C1QA: variants seen among roughly 807,000 people sequenced by gnomAD.
C1QA encodes complement C1q A chain.
A neutral mutation model predicts 6.9 loss-of-function variants in C1QA; 3 were observed. The observed-to-expected ratio is 0.44, with a 90% CI of 0.20 to 1.12. The LOEUF (loss-of-function observed/expected upper bound fraction) is 1.12. C1QA is among the 50% of genes most tolerant of loss of function. The pLI is 0.27. For synonymous variants in C1QA, 128 were observed against 134.1 expected, an observed-to-expected ratio of 0.95 and a Z score of 0.31; for missense variants, 273 against 326.6, an observed-to-expected ratio of 0.84 and a Z score of 1.26.
chr1:22,637,739 A>C lies in C1QA; in HGVS notation c.123A>C (p.Arg41Ser). ...AAGGGGAGGCAGGAAGACCTGGCAG[A>C]CGGGGGCGGCCAGGCCTCAAGGGGG... Reference protein sequence around the residue: ...GKKGEAGRPGRRGRPGLKGEQ... With the variant: ...GKKGEAGRPGSRGRPGLKGEQ... Residue 41 changes from arginine (R) to serine (S), a missense_variant, in exon 2 of 3, where the codon AGA (arginine) becomes AGC (serine). Coordinates refer to ENST00000374642, the MANE Select transcript of C1QA (RefSeq NM_015991.4). The surrounding 1 kb of genome is among the most constrained non-coding windows in gnomAD (Gnocchi z 4.4). 6.2e-7 allele frequency: 1 copy of C among 1,607,816 alleles called. No individual in the cohort carries two copies. Among genetic ancestry groups the C allele is most frequent in the Non-Finnish European group, 8.5e-7 (1 of 1,177,664 alleles).
At position 22,639,016 on chromosome 1, in the gene C1QA, C is replaced by A. The variant is rs770590046; in HGVS notation, c.347C>A (p.Ala116Asp). ...PGNIKDQPRP[A>D]FSAIRRNPPM... ...AACATCAAGGACCAGCCGAGGCCAG[C>A]CTTCTCCGCCATTCGGCGGAACCCC... Residue 116 changes from alanine (A) to aspartate (D), a missense_variant, in exon 3 of 3, where the codon GCC (alanine) becomes GAC (aspartate). By Grantham distance (126) the Ala-to-Asp change is moderately radical. Transcript: ENST00000374642. The surrounding 1 kb of genome is among the most constrained non-coding windows in gnomAD (Gnocchi z 4.6). 6.2e-6 allele frequency: 10 copies of A among 1,613,926 alleles called. No homozygotes were observed. Among genetic ancestry groups the A allele is most frequent in the East Asian group, 2.2e-5 (1 of 44,870 alleles).
At position 22,639,074 on chromosome 1, in the gene C1QA, G is replaced by C. The variant is rs569999510; in HGVS notation, c.405G>C (p.Thr135=). Residue 135 remains threonine (T), a synonymous_variant, in exon 3 of 3, where the codon ACG becomes ACC. Coordinates refer to ENST00000374642, the MANE Select transcript of C1QA (RefSeq NM_015991.4). This position sits in a 1 kb window ranked among gnomAD's most constrained non-coding sequence, Gnocchi z 4.6. ...GGGGCAACGTGGTCATCTTCGACACGGTCATCACCAACCAGGAAGAACCGT... is the reference window on the plus strand; with the variant it reads ...GGGGCAACGTGGTCATCTTCGACACCGTCATCACCAACCAGGAAGAACCGT... The part of the protein sequence containing the change: ...PMGGNVVIFD[T]VITNQEEPYQ... The C allele has an allele frequency of 6.2e-7, 1 of 1,614,138 alleles. No homozygotes were observed.
In C1QA at chr1:22,637,692, T is replaced by A; in HGVS notation, c.76T>A (p.Cys26Ser). 1 of 1,613,866 alleles carries A rather than the reference T, an allele frequency of 6.2e-7. No individual in the cohort carries two copies. Among genetic ancestry groups the A allele is most frequent in the East Asian group, 2.2e-5 (1 of 44,878 alleles). The change falls in exon 2 of 3, where the codon TGC (cysteine) becomes AGC (serine). Residue 26 changes from cysteine to serine, a missense_variant. Cys to Ser is a moderately radical substitution (Grantham distance 112). Transcript: ENST00000374642. The surrounding 1 kb of genome is among the most constrained non-coding windows in gnomAD (Gnocchi z 4.4). ...GGCCTCTATGGTGACCGAGGACTTGTGCCGAGCACCAGACGGGAAGAAAGG... is the reference window on the plus strand; with the variant it reads ...GGCCTCTATGGTGACCGAGGACTTGAGCCGAGCACCAGACGGGAAGAAAGG... ...SLASMVTEDL[C>S]RAPDGKKGEA...
rs375992274 is a variant in C1QA at position 22,637,600 on chromosome 1, G to T, written c.-7-10G>T. On this transcript the variant is annotated splice_polypyrimidine_tract_variant and intron_variant, in intron 1 of 2. Coordinates refer to ENST00000374642, the MANE Select transcript of C1QA (RefSeq NM_015991.4). This position sits in a 1 kb window ranked among gnomAD's most constrained non-coding sequence, Gnocchi z 4.4. ...GTCCAACCTGCCCAGGCCCTCCCGT[G>T]TCTCCACAGAGGCATCATGGAGGGT... The T allele has an allele frequency of 6.2e-7, 1 of 1,613,774 alleles. No homozygotes were observed. The highest frequency in any genetic ancestry group is 8.5e-7 in the Non-Finnish European group (1 of 1,179,894).
In C1QA at chr1:22,639,023, C is replaced by T. The variant is rs377376778; in HGVS notation, c.354C>T (p.Ser118=). Residue 118 remains serine (S), a synonymous_variant, in exon 3 of 3, where the codon TCC becomes TCT. Transcript: ENST00000374642. This position sits in a 1 kb window ranked among gnomAD's most constrained non-coding sequence, Gnocchi z 4.6. ...AGGACCAGCCGAGGCCAGCCTTCTC[C>T]GCCATTCGGCGGAACCCCCCAATGG... ...NIKDQPRPAF[S]AIRRNPPMGG... The T allele has an allele frequency of 5.5e-5, 88 of 1,613,960 alleles. 1 individual carries two copies. The South Asian group carries it at 6.0e-4, about 11-fold the overall frequency.
At position 22,638,743 on chromosome 1, in the gene C1QA, T is replaced by C. The variant is rs1052340089; in HGVS notation, c.164-90T>C. The C allele has an allele frequency of 7.6e-6, 11 of 1,446,062 alleles. No individual in the cohort carries two copies. In the Admixed American group the frequency reaches 1.8e-4, roughly 23 times the overall value. 89.6% of individuals were successfully genotyped at this position (1,446,062 alleles called of 1,614,324 possible). On this transcript the variant is annotated intron_variant, in intron 2 of 2. Coordinates refer to ENST00000374642, the MANE Select transcript of C1QA (RefSeq NM_015991.4). Reference sequence around the variant, plus strand: ...TGAAGGCCCAGGTGCTTCATTGCCCTTTATCCCATAGACTCAGGGGGTCCA... The same window carrying C: ...TGAAGGCCCAGGTGCTTCATTGCCCCTTATCCCATAGACTCAGGGGGTCCA...
chr1:22,637,313 G>T lies in C1QA; in HGVS notation c.-7-297G>T, dbSNP rs533261717. On this transcript the variant is annotated intron_variant, in intron 1 of 2. Coordinates refer to ENST00000374642, the MANE Select transcript of C1QA (RefSeq NM_015991.4). The surrounding 1 kb of genome is among the most constrained non-coding windows in gnomAD (Gnocchi z 4.4). ...TCAGTTGTGTGTCTAGGGGGGTATA[G>T]TGGATTTCTGAGTTTGCCTACTGTG... 6.6e-6 allele frequency among the ~76,000 whole-genome samples: 1 copy of T among 152,310 alleles called. No homozygotes were observed. The highest frequency in any genetic ancestry group is 2.1e-4 in the South Asian group (1 of 4,822).
Position 22,638,894 on chromosome 1 carries a change from C to A in C1QA, c.225C>A (p.Pro75=), listed in dbSNP as rs751668628. 1.6e-5 allele frequency: 25 copies of A among 1,596,924 alleles called. No individual in the cohort carries two copies. The Admixed American group carries it at 4.4e-4, about 28-fold the overall frequency. ...GLKGDQGEPG[P]SGNPGKVGYP... ...AAGGAGACCAGGGGGAACCTGGGCC[C>A]TCTGGAAACCCCGGCAAGGTGGGCT... is the stretch of plus-strand genomic sequence containing the variant. Residue 75 remains proline, a synonymous_variant, in exon 3 of 3, where the codon CCC becomes CCA. Transcript: ENST00000374642.
intron 2 of C1QA, 123 bp from the exon 3 acceptor site, chr1:22,638,710 C>G (rs1431981711): frequency 1.9e-6 from 2 of 1,072,880 alleles, no homozygotes; most frequent in Admixed American, 2.0e-5. Context: ...CAATCAGAAT[C>G]GATGTCCTGA....
At chr1:22,638,759 A>T in intron 2 of C1QA, 74 bp from the exon 3 acceptor site, 1 of 1,497,054 alleles carries the variant, frequency 6.7e-7, no homozygotes, top group South Asian at 1.2e-5. Flanking sequence ...CCATAGACTC[A>T]GGGGGTCCAG....
chr1:22,637,767 C>A lies in C1QA; in HGVS notation c.151C>A (p.Gln51Lys). Residue 51 changes from glutamine to lysine, a missense_variant, in exon 2 of 3, where the codon CAA (glutamine) becomes AAA (lysine). Physicochemically the swap from Gln to Lys is moderately conservative, Grantham distance 53. Transcript: ENST00000374642. The surrounding 1 kb of genome is among the most constrained non-coding windows in gnomAD (Gnocchi z 4.4). Reference sequence around the variant, plus strand: ...GGGGCGGCCAGGCCTCAAGGGGGAGCAAGGGGAGCCGGGTAAGCACCCTTC... The same window carrying A: ...GGGGCGGCCAGGCCTCAAGGGGGAGAAAGGGGAGCCGGGTAAGCACCCTTC... ...RRGRPGLKGE[Q>K]GEPGAPGIRT... 1 of 1,586,268 alleles carries A rather than the reference C, an allele frequency of 6.3e-7. No individual in the cohort carries two copies. The highest frequency in any genetic ancestry group is 8.6e-7 in the Non-Finnish European group (1 of 1,166,982).
rs1418995209 is a variant in C1QA at position 22,637,522 on chromosome 1, A to C, written c.-7-88A>C. On this transcript the variant is annotated intron_variant, in intron 1 of 2. Transcript: ENST00000374642. This position sits in a 1 kb window ranked among gnomAD's most constrained non-coding sequence, Gnocchi z 4.4. ...CATGTGCACTTGGGGAGGACTGTGC[A>C]TATATCATTGTGTGCATGGGACTCA... The C allele has an allele frequency of 5.4e-6, 8 of 1,495,256 alleles. No individual in the cohort carries two copies. The highest frequency in any genetic ancestry group is 2.7e-5 in the African/African-American group (2 of 72,750). The allele number at this position is 1,495,256 out of a possible 1,614,324, so 92.6% of individuals were successfully genotyped here. A position where few individuals can be genotyped will look rare whatever the true frequency, so the allele number is the denominator to read the frequency against.
chr1:22,639,132 G>A lies in C1QA; in HGVS notation c.463G>A (p.Val155Ile), dbSNP rs1371387137. 1 of 1,614,268 alleles carries A rather than the reference G, an allele frequency of 6.2e-7. No homozygotes were observed. Among genetic ancestry groups the A allele is most frequent in the Non-Finnish European group, 8.5e-7 (1 of 1,180,048 alleles). Residue 155 changes from valine to isoleucine, a missense_variant, in exon 3 of 3, where the codon GTA (valine) becomes ATA (isoleucine). Val to Ile is a conservative substitution (Grantham distance 29). Transcript: ENST00000374642. This position sits in a 1 kb window ranked among gnomAD's most constrained non-coding sequence, Gnocchi z 4.6. ...QNHSGRFVCT[V>I]PGYYYFTFQV... ...CCACTCCGGCCGATTCGTCTGCACTGTACCCGGCTACTACTACTTCACCTT... is the reference window on the plus strand; with the variant it reads ...CCACTCCGGCCGATTCGTCTGCACTATACCCGGCTACTACTACTTCACCTT...
Position 22,636,678 on chromosome 1 carries a change from A to G in C1QA, c.-32A>G, listed in dbSNP as rs1642186440. On this transcript the variant is annotated 5_prime_UTR_variant, in exon 1 of 3. Coordinates refer to ENST00000374642, the MANE Select transcript of C1QA (RefSeq NM_015991.4). Reference sequence around the variant, plus strand: ...CCCTGGGCGGAGGGCAGGAGCATCCAGTTGGAGTTGACAACAGGAGGCAGG... The same window carrying G: ...CCCTGGGCGGAGGGCAGGAGCATCCGGTTGGAGTTGACAACAGGAGGCAGG... The G allele has an allele frequency of 6.6e-6, 1 of 152,474 alleles. No individual in the cohort carries two copies. The highest frequency in any genetic ancestry group is 1.5e-5 in the Non-Finnish European group (1 of 68,246). The allele number at this position is 152,474 out of a possible 1,614,324, so 9.4% of individuals were successfully genotyped here.
rs1253894814 is a variant in C1QA at position 22,639,457 on chromosome 1, G to A, written c.*50G>A. 6.3e-7 allele frequency: 1 copy of A among 1,595,930 alleles called. No homozygotes were observed. The highest frequency in any genetic ancestry group is 2.2e-5 in the East Asian group (1 of 44,776). ...CCCACCTCTCTGGCTTCCATGCTCCGCCTGTAAAATGGGGGCGCTATTGCT... is the reference window on the plus strand; with the variant it reads ...CCCACCTCTCTGGCTTCCATGCTCCACCTGTAAAATGGGGGCGCTATTGCT... On this transcript the variant is annotated 3_prime_UTR_variant, in exon 3 of 3. Coordinates refer to ENST00000374642, the MANE Select transcript of C1QA (RefSeq NM_015991.4). This position sits in a 1 kb window ranked among gnomAD's most constrained non-coding sequence, Gnocchi z 4.6.
Position 22,637,552 on chromosome 1 carries a change from T to C in C1QA, c.-7-58T>C. Reference sequence around the variant, plus strand: ...TCATTGTGTGCATGGGACTCAAGGGTGGGAGCTGGGTGTGAGTGTGATGTC... The same window carrying C: ...TCATTGTGTGCATGGGACTCAAGGGCGGGAGCTGGGTGTGAGTGTGATGTC... On this transcript the variant is annotated intron_variant, in intron 1 of 2. Coordinates refer to ENST00000374642, the MANE Select transcript of C1QA (RefSeq NM_015991.4). This position sits in a 1 kb window ranked among gnomAD's most constrained non-coding sequence, Gnocchi z 4.4. 1 of 1,592,174 alleles carries C rather than the reference T, an allele frequency of 6.3e-7. No individual in the cohort carries two copies.
At position 22,639,538 on chromosome 1, in the gene C1QA, G is replaced by A. The variant is rs1414226211; in HGVS notation, c.*131G>A. ...AGAGCCCCAGGACTGGCTGCCCCGT[G>A]ACACATGCTCTAAGAAGCTCGTTTC... is the stretch of plus-strand genomic sequence containing the variant. On this transcript the variant is annotated 3_prime_UTR_variant, in exon 3 of 3. Transcript: ENST00000374642. The surrounding 1 kb of genome is among the most constrained non-coding windows in gnomAD (Gnocchi z 4.6). The A allele has an allele frequency of 4.0e-6, 4 of 992,458 alleles. No individual in the cohort carries two copies. The South Asian group carries it at 5.9e-5, about 15-fold the overall frequency. 61.5% of individuals were successfully genotyped at this position (992,458 alleles called of 1,614,324 possible). A position where few individuals can be genotyped will look rare whatever the true frequency, so the allele number is the denominator to read the frequency against.
Position 22,637,564 on chromosome 1 carries a change from G to A in C1QA, c.-7-46G>A. 6.2e-7 allele frequency: 1 copy of A among 1,607,020 alleles called. No homozygotes were observed. The highest frequency in any genetic ancestry group is 8.5e-7 in the Non-Finnish European group (1 of 1,176,118). ...TGGGACTCAAGGGTGGGAGCTGGGTGTGAGTGTGATGTCCAACCTGCCCAG... is the reference window on the plus strand; with the variant it reads ...TGGGACTCAAGGGTGGGAGCTGGGTATGAGTGTGATGTCCAACCTGCCCAG... On this transcript the variant is annotated intron_variant, in intron 1 of 2. Transcript: ENST00000374642. The surrounding 1 kb of genome is among the most constrained non-coding windows in gnomAD (Gnocchi z 4.4).
Position 22,637,990 on chromosome 1 carries a change from G to A in C1QA, c.163+211G>A, listed in dbSNP as rs1642208537. Among the ~76,000 whole-genome samples the A allele has an allele frequency of 6.6e-6, 1 of 152,212 alleles. No homozygotes were observed. ...CCTCTCCACTCCCTGTGTACTGCCT[G>A]GGCCCTCTTTCTTCGGCTTCACCTT... On this transcript the variant is annotated intron_variant, in intron 2 of 2. Coordinates refer to ENST00000374642, the MANE Select transcript of C1QA (RefSeq NM_015991.4). The surrounding 1 kb of genome is among the most constrained non-coding windows in gnomAD (Gnocchi z 4.4).
Sources: gnomAD v4.1 joint callset for allele counts (sites outside exome capture counted in the v4.1 genomes callset) on GRCh38, gnomAD v4.1.1 for gene constraint, Gnocchi (gnomAD v3.1) non-coding constraint, MANE v1.5 for transcripts, NCBI Gene and HGNC (gene_info 2026-07-23, HGNC 2026-07-21) for gene names.